Variants in LINGO2 observed in about 807,000 individuals in gnomAD.
LINGO2 encodes leucine rich repeat and Ig domain containing 2.
In LINGO2, 14 loss-of-function variants were observed where a neutral mutation model predicts 30.6. The observed-to-expected ratio is 0.46, with a 90% CI of 0.30 to 0.72. LINGO2 has a LOEUF of 0.72. Among genes scored for constraint, LINGO2 ranks in the 30% least tolerant of loss-of-function variants. LINGO2 has a pLI of 0.07. For synonymous variants in LINGO2, 317 were observed against 288.5 expected, an observed-to-expected ratio of 1.10 and a Z score of -1.00; for missense variants, 729 against 751.7, an observed-to-expected ratio of 0.97 and a Z score of 0.35.
chr9:28,747,783 T>C, the LINGO2 span, among the ~76,000 whole-genome samples: 1 of 152,142 alleles, frequency 6.6e-6, no homozygotes, highest in Non-Finnish European at 1.5e-5. Flanking sequence ...ATTGTTATAT[T>C]TTTATTGGAT....
At chr9:29,000,220 T>C in the LINGO2 span, among the ~76,000 whole-genome samples, 1 of 152,086 alleles carries the variant, frequency 6.6e-6, no homozygotes, top group South Asian at 2.1e-4. Flanking sequence ...CTTTTTCCTA[T>C]GAATTAATCT....
At chr9:28,614,187 C>A (rs966558988) in intron 1 of LINGO2, among the ~76,000 whole-genome samples, 4 of 152,036 alleles carry the variant, frequency 2.6e-5, no homozygotes, top group Non-Finnish European at 5.9e-5. Context: ...TAAAAAGTAT[C>A]AGAACACATT....
At chr9:28,345,371 A>G (rs910470474) in intron 3 of LINGO2, among the ~76,000 whole-genome samples, 2 of 152,170 alleles carry the variant, frequency 1.3e-5, no homozygotes, top group Non-Finnish European at 2.9e-5. Flanking sequence ...TAAGGGTATC[A>G]TGAACTGAAA....
chr9:28,574,048 T>A (rs995463450), intron 1 of LINGO2, among the ~76,000 whole-genome samples: 5 of 152,318 alleles, frequency 3.3e-5, no homozygotes, highest in South Asian at 2.1e-4. Context: ...CATGATTCAC[T>A]GATACTTGAT....
chr9:29,067,556 T>A, the LINGO2 span, among the ~76,000 whole-genome samples: 2 of 151,420 alleles, frequency 1.3e-5, no homozygotes, highest in African/African-American at 4.8e-5. Context: ...ACGGCAGAAA[T>A]CTTAAGGAAA....
At chr9:28,376,280 A>C (rs923012549) in intron 2 of LINGO2, among the ~76,000 whole-genome samples, 6 of 150,700 alleles carry the variant, frequency 4.0e-5, no homozygotes, top group Non-Finnish European at 8.8e-5. Flanking sequence ...AGAAGAGAAG[A>C]GAAGCGAAGC....
the LINGO2 span, among the ~76,000 whole-genome samples, chr9:28,916,983 G>A: frequency 6.6e-6 from 1 of 152,292 alleles, no homozygotes; most frequent in African/African-American, 2.4e-5. Context: ...TGGAAGATAA[G>A]GTGGGAGTAA....
chr9:28,385,517 C>G (rs1412225), intron 2 of LINGO2, among the ~76,000 whole-genome samples: 127,284 of 152,132 alleles, frequency 0.84, 53,484 homozygotes, highest in Middle Eastern at 0.9. Flanking sequence ...GCTTCATAAT[C>G]CTATTTTCTT....
chr9:29,201,863 T>C, the LINGO2 span, among the ~76,000 whole-genome samples: 2 of 152,114 alleles, frequency 1.3e-5, no homozygotes, highest in African/African-American at 4.8e-5. Flanking sequence ...ATTTTACATA[T>C]TAGGAAACTA....
At position 28,318,157 on chromosome 9, in the gene LINGO2, A is replaced by G. The variant is rs10968502; in HGVS notation, c.-245-22791T>C. On this transcript the variant is annotated intron_variant, in intron 3 of 5. Coordinates refer to ENST00000379992, the Ensembl canonical transcript of LINGO2. Reference sequence around the variant, plus strand: ...ACTAATTTGCTTCACAATCGGAACAAGAATGACTCAAAGCACTTCTGTCCT... The same window carrying G: ...ACTAATTTGCTTCACAATCGGAACAGGAATGACTCAAAGCACTTCTGTCCT... Among the ~76,000 whole-genome samples the G allele has an allele frequency of 0.016, 2,453 of 152,296 alleles. 148 individuals carry two copies. In the East Asian group the frequency reaches 0.2, roughly 12 times the overall value.
chr9:27,954,179 G>A (rs1819452009), intron 5 of LINGO2, among the ~76,000 whole-genome samples: 5 of 152,100 alleles, frequency 3.3e-5, no homozygotes, highest in Admixed American at 3.3e-4. Flanking sequence ...ATCACCTTGA[G>A]TATATATCAC....
intron 1 of LINGO2, among the ~76,000 whole-genome samples, chr9:28,622,408 AT>A (rs903609540): frequency 1.3e-5 from 2 of 151,370 alleles, no homozygotes; most frequent in African/African-American, 4.8e-5. Flanking sequence ...TGTTTGTTTT[AT>A]TTTTTTGGTT....
chr9:28,472,321 T>A, intron 2 of LINGO2, among the ~76,000 whole-genome samples: 1 of 102,040 alleles, frequency 9.8e-6, no homozygotes, highest in South Asian at 3.7e-4. Flanking sequence ...TGACTTCAAG[T>A]TTTTTTTTTT....
intron 4 of LINGO2, among the ~76,000 whole-genome samples, chr9:28,223,857 T>G (rs1446937490): frequency 2.6e-5 from 4 of 152,186 alleles, no homozygotes; most frequent in Admixed American, 6.5e-5. Flanking sequence ...AACCAAAATA[T>G]GGAAGTCAAG....
At chr9:28,774,853 T>A in the LINGO2 span, among the ~76,000 whole-genome samples, 853 of 2,014 alleles carry the variant, frequency 0.42, 10 homozygotes, top group Middle Eastern at 0.5. Flanking sequence ...AAATTAATGT[T>A]TCCCCTATTT....
chr9:28,333,851 C>T (rs1208718727), intron 3 of LINGO2, among the ~76,000 whole-genome samples: 1 of 152,104 alleles, frequency 6.6e-6, no homozygotes, highest in Non-Finnish European at 1.5e-5. Flanking sequence ...TGCATTAAAT[C>T]TAACATTATA....
At chr9:27,965,274 T>C (rs1288727678) in intron 5 of LINGO2, among the ~76,000 whole-genome samples, 1 of 151,198 alleles carries the variant, frequency 6.6e-6, no homozygotes, top group Non-Finnish European at 1.5e-5. Context: ...ACTCTCAGTA[T>C]TTTTTTTTCA....
intron 1 of LINGO2, among the ~76,000 whole-genome samples, chr9:28,582,814 G>T (rs112434624): frequency 1.1e-4 from 16 of 152,002 alleles, no homozygotes; most frequent in African/African-American, 3.9e-4. Context: ...AAACATTTGC[G>T]AACCTTTTTA....
intron 1 of LINGO2, among the ~76,000 whole-genome samples, chr9:28,643,571 A>G (rs1461305432): frequency 6.6e-6 from 1 of 152,114 alleles, no homozygotes; most frequent in African/African-American, 2.4e-5. Context: ...TAGACCTCAA[A>G]CCATGAAACT....
Sources: allele counts gnomAD v4.1 joint callset (sites outside exome capture counted in the v4.1 genomes callset), GRCh38; gene constraint gnomAD v4.1.1; transcripts MANE v1.5; gene names NCBI Gene and HGNC (gene_info 2026-07-23, HGNC 2026-07-21).